LDB3: variants seen among roughly 807,000 people sequenced by gnomAD.
LDB3 encodes LIM domain binding 3.
In LDB3, 49 loss-of-function variants were observed where a neutral mutation model predicts 69.0. The observed-to-expected ratio is 0.71, with a 90% CI of 0.56 to 0.90. The LOEUF (loss-of-function observed/expected upper bound fraction) is 0.90. Ranked by LOEUF, LDB3 falls within the 40% of genes least tolerant of loss-of-function variation. LDB3 has a pLI of 0.00. For synonymous variants in LDB3, 387 were observed against 396.2 expected (o/e 0.98, Z 0.28); for missense variants, 928 against 974.1 (o/e 0.95, Z 0.63).
chr10:86,668,542 G>C lies in LDB3; in HGVS notation c.-52G>C. ...AGGAGCCTCTCAAGAGCTCCACGCAGCCCGGCTGGGCAGCAAGGGACAGAA... is the reference window on the plus strand; with the variant it reads ...AGGAGCCTCTCAAGAGCTCCACGCACCCCGGCTGGGCAGCAAGGGACAGAA... On this transcript the variant is annotated 5_prime_UTR_variant, in exon 1 of 14. Coordinates refer to ENST00000361373, the MANE Select transcript of LDB3 (RefSeq NM_007078.3). The C allele has an allele frequency of 1.4e-6, 1 of 727,284 alleles. No homozygotes were observed. Among genetic ancestry groups the C allele is most frequent in the Admixed American group, 1.9e-5 (1 of 51,428 alleles). 45.1% of individuals were successfully genotyped at this position (727,284 alleles called of 1,614,324 possible).
At chr10:86,709,057 C>T (rs1048271072) in intron 8 of LDB3, among the ~76,000 whole-genome samples, 6 of 152,176 alleles carry the variant, frequency 3.9e-5, no homozygotes, top group African/African-American at 1.2e-4. Flanking sequence ...ATCTGAAAGA[C>T]CAGGGATGTG....
upstream of LDB3, chr10:86,666,800 G>T (rs1382138504): frequency 1.1e-5 from 5 of 470,882 alleles, no homozygotes; most frequent in Admixed American, 2.3e-5. Context: ...CCAGAGGCGA[G>T]CTTCATCAGG....
chr10:86,699,664 A>G lies in LDB3; in HGVS notation c.897-6867A>G. The G allele has an allele frequency of 7.8e-7, 1 of 1,280,304 alleles. No individual in the cohort carries two copies. The highest frequency in any genetic ancestry group is 1.0e-6 in the Non-Finnish European group (1 of 1,001,856). 79.3% of individuals were successfully genotyped at this position (1,280,304 alleles called of 1,614,324 possible). A position where few individuals can be genotyped will look rare whatever the true frequency, so the allele number is the denominator to read the frequency against. Reference sequence around the variant, plus strand: ...CCTCTGCACAGGGCCTTAGCTGTAGACCAGAGAGGGCAGGAGGGGTTTGCT... The same window carrying G: ...CCTCTGCACAGGGCCTTAGCTGTAGGCCAGAGAGGGCAGGAGGGGTTTGCT... On this transcript the variant is annotated intron_variant, in intron 7 of 13. Transcript: ENST00000361373. This position sits in a 1 kb window ranked among gnomAD's most constrained non-coding sequence, Gnocchi z 4.9.
intron 4 of LDB3, among the ~76,000 whole-genome samples, chr10:86,680,724 C>T (rs565059926): frequency 1.3e-5 from 2 of 152,344 alleles, no homozygotes; most frequent in South Asian, 2.1e-4. Context: ...GGCTCCAGAC[C>T]TCACCACTGC....
At chr10:86,671,837 G>C (rs1844498309) in intron 2 of LDB3, among the ~76,000 whole-genome samples, 1 of 152,236 alleles carries the variant, frequency 6.6e-6, no homozygotes, top group Non-Finnish European at 1.5e-5. Flanking sequence ...AGCAGGCTGG[G>C]CGCGGTGCCT....
At chr10:86,668,141 G>T (rs1433106156), upstream of LDB3, among the ~76,000 whole-genome samples, 1 of 152,190 alleles carries the variant, frequency 6.6e-6, no homozygotes, top group Non-Finnish European at 1.5e-5. Flanking sequence ...GCCCCATACT[G>T]GATAAAGCAC....
rs1374795393 is a variant in LDB3, at chr10:86,717,869, A to G, written c.1677-95A>G. The stretch of plus-strand genomic sequence containing the variant: ...CAGAACAGTCACAAAAGTCAGAGTT[A>G]TTGGGTAAAAGTATAAACAGTGTTG... On this transcript the variant is annotated intron_variant, in intron 10 of 13. Coordinates refer to ENST00000361373, the MANE Select transcript of LDB3 (RefSeq NM_007078.3). The G allele has an allele frequency of 7.7e-6, 9 of 1,164,764 alleles. No individual in the cohort carries two copies. The African/African-American group carries it at 1.4e-4, about 18-fold the overall frequency. The allele number at this position is 1,164,764 out of a possible 1,614,324, so 72.2% of individuals were successfully genotyped here.
intron 13 of LDB3, 127 bp downstream of exon 13, chr10:86,726,379 T>A: frequency 1.4e-6 from 1 of 739,372 alleles, no homozygotes; most frequent in African/African-American, 1.7e-5. Flanking sequence ...TTTTAAAAGC[T>A]GGCAAACACC....
intron 5 of LDB3, chr10:86,687,305 G>T (rs769623966): frequency 1.9e-6 from 3 of 1,598,444 alleles, no homozygotes; most frequent in Non-Finnish European, 2.6e-6. Context: ...GCCACTCAGT[G>T]CCTCCAGAGC....
rs1847555854 is a variant in LDB3 at position 86,734,073 on chromosome 10, A to G, written c.*1097A>G. 6.6e-6 allele frequency: 1 copy of G among 152,258 alleles called. No homozygotes were observed. Among genetic ancestry groups the G allele is most frequent in the African/African-American group, 2.4e-5 (1 of 41,462 alleles). The allele number at this position is 152,258 out of a possible 1,614,324, so 9.4% of individuals were successfully genotyped here. On this transcript the variant is annotated 3_prime_UTR_variant, in exon 14 of 14. Coordinates refer to ENST00000361373, the MANE Select transcript of LDB3 (RefSeq NM_007078.3). The stretch of plus-strand genomic sequence containing the variant: ...CCACCCTCAGTAAGAACACACGAGG[A>G]GGCAGGACCTCCCACCTTCAGGTCT...
intron 9 of LDB3, among the ~76,000 whole-genome samples, chr10:86,712,211 G>A (rs1437309984): frequency 6.6e-6 from 1 of 152,146 alleles, no homozygotes; most frequent in Non-Finnish European, 1.5e-5. Context: ...TTAGCCCCAA[G>A]CAAGGAAGCC....
chr10:86,673,581 T>C (rs1324243981), intron 2 of LDB3, among the ~76,000 whole-genome samples: 8 of 151,666 alleles, frequency 5.3e-5, no homozygotes, highest in Admixed American at 5.2e-4. Context: ...AAGGTTCCAG[T>C]GAGAGGGTGA....
Position 86,718,192 on chromosome 10 carries a change from C to T in LDB3, c.1857+48C>T, listed in dbSNP as rs376477662. Reference sequence around the variant, plus strand: ...CTCTGACCCATGTCTCTTCCCCAGCCCTTCCCCAAGATCGTGGGATCCCAT... The same window carrying T: ...CTCTGACCCATGTCTCTTCCCCAGCTCTTCCCCAAGATCGTGGGATCCCAT... On this transcript the variant is annotated intron_variant, in intron 11 of 13. Coordinates refer to ENST00000361373, the MANE Select transcript of LDB3 (RefSeq NM_007078.3). 17 of 1,573,490 alleles carry T rather than the reference C, an allele frequency of 1.1e-5. No homozygotes were observed. The African/African-American group carries it at 2.0e-4, about 19-fold the overall frequency.
At chr10:86,685,846 TG>T in intron 5 of LDB3, 1 of 960,426 alleles carries the variant, frequency 1.0e-6, no homozygotes, top group Non-Finnish European at 1.7e-6. Flanking sequence ...TACCCCTGGG[TG>T]AGCCTGCATG....
intron 7 of LDB3, among the ~76,000 whole-genome samples, chr10:86,697,130 T>C (rs1413615209): frequency 1.3e-5 from 2 of 151,768 alleles, no homozygotes; most frequent in East Asian, 3.9e-4. Flanking sequence ...ACTGTTACTG[T>C]GCAGAAATAG....
At chr10:86,674,595 C>T (rs1482310847) in intron 2 of LDB3, among the ~76,000 whole-genome samples, 1 of 152,150 alleles carries the variant, frequency 6.6e-6, no homozygotes, top group Non-Finnish European at 1.5e-5. Context: ...GTTGGGTTTC[C>T]AGGGTTTAGA....
At chr10:86,670,362 A>C (rs995600161) in intron 2 of LDB3, among the ~76,000 whole-genome samples, 4 of 151,948 alleles carry the variant, frequency 2.6e-5, no homozygotes, top group South Asian at 2.1e-4. Flanking sequence ...CCCCACCCCC[A>C]TGCTTGCAGG....
At chr10:86,718,204 T>C (rs1441584489) in intron 11 of LDB3, 60 bp downstream of exon 11, 2 of 1,527,844 alleles carry the variant, frequency 1.3e-6, no homozygotes, top group East Asian at 2.2e-5. Context: ...TTCCCCAAGA[T>C]CGTGGGATCC....
At chr10:86,671,640 G>A (rs1844480829) in intron 2 of LDB3, among the ~76,000 whole-genome samples, 1 of 152,226 alleles carries the variant, frequency 6.6e-6, no homozygotes, top group Non-Finnish European at 1.5e-5. Flanking sequence ...CAGCTCCAAA[G>A]GCCTCTGCCC....
Sources: allele counts gnomAD v4.1 joint callset (sites outside exome capture counted in the v4.1 genomes callset), GRCh38; gene constraint gnomAD v4.1.1; non-coding constraint Gnocchi (gnomAD v3.1); transcripts MANE v1.5; gene names NCBI Gene and HGNC (gene_info 2026-07-23, HGNC 2026-07-21).